Variants in COL8A1 observed in about 807,000 individuals in gnomAD.
The protein encoded by COL8A1 is collagen type VIII alpha 1 chain, also known as collagen alpha-1(VIII) chain.
Under a neutral mutation model 42.7 loss-of-function variants are expected in COL8A1, and 21 were observed. That is an observed-to-expected ratio of 0.49 (90% CI 0.35 to 0.71). The LOEUF (loss-of-function observed/expected upper bound fraction) is 0.71. COL8A1 is among the 30% of genes least tolerant of loss of function. The pLI is 0.01. For synonymous variants in COL8A1, 367 were observed against 369.1 expected (o/e 0.99, Z 0.06); for missense variants, 788 against 962.4 (o/e 0.82, Z 2.40).
chr3:99,734,904 T>A (rs917781069), intron 1 of COL8A1, among the ~76,000 whole-genome samples: 2 of 152,148 alleles, frequency 1.3e-5, no homozygotes, highest in African/African-American at 4.8e-5. Context: ...TTTATTCTCT[T>A]TGAAGCAATT....
intron 1 of COL8A1, among the ~76,000 whole-genome samples, chr3:99,663,015 A>G (rs1938255168): frequency 6.6e-6 from 1 of 152,188 alleles, no homozygotes; most frequent in Admixed American, 6.5e-5. Flanking sequence ...CACTCTGACA[A>G]ATGCAGGTGT....
intron 1 of COL8A1, among the ~76,000 whole-genome samples, chr3:99,688,338 G>A (rs1050668505): frequency 6.6e-6 from 1 of 152,148 alleles, no homozygotes; most frequent in African/African-American, 2.4e-5. Context: ...GGCTCCTGGG[G>A]CAAATGTTTC....
chr3:99,648,972 C>T (rs1165866656), intron 1 of COL8A1, among the ~76,000 whole-genome samples: 2 of 151,960 alleles, frequency 1.3e-5, no homozygotes, highest in Non-Finnish European at 2.9e-5. Flanking sequence ...TATCCTGTGC[C>T]AAAGACAAAA....
intron 2 of COL8A1, among the ~76,000 whole-genome samples, chr3:99,765,675 A>G (rs1182892278): frequency 2.6e-5 from 4 of 152,320 alleles, no homozygotes; most frequent in South Asian, 2.1e-4. Flanking sequence ...TATCATTCAC[A>G]TAAGTCAGGG....
chr3:99,683,420 T>C (rs1271311027), intron 1 of COL8A1, among the ~76,000 whole-genome samples: 1 of 152,192 alleles, frequency 6.6e-6, no homozygotes, highest in Non-Finnish European at 1.5e-5. Flanking sequence ...CTGGAACTTA[T>C]TTCACAAACT....
At chr3:99,673,310 G>A (rs1938600219) in intron 1 of COL8A1, among the ~76,000 whole-genome samples, 2 of 152,014 alleles carry the variant, frequency 1.3e-5, no homozygotes, top group South Asian at 4.1e-4. Flanking sequence ...CAAAATGTGA[G>A]GAAGAGGGGC....
intron 2 of COL8A1, among the ~76,000 whole-genome samples, chr3:99,763,156 A>G (rs1941396046): frequency 6.6e-6 from 1 of 152,194 alleles, no homozygotes; most frequent in Admixed American, 6.5e-5. Flanking sequence ...CCCAGTTTCC[A>G]ATGGTCCAAA....
intron 2 of COL8A1, among the ~76,000 whole-genome samples, chr3:99,770,415 G>A (rs1021703539): frequency 6.6e-6 from 1 of 152,168 alleles, no homozygotes; most frequent in East Asian, 1.9e-4. Context: ...ATGCCAAAAT[G>A]GCCTAGCCTG....
chr3:99,719,386 T>C (rs1940087657), intron 1 of COL8A1, among the ~76,000 whole-genome samples: 1 of 152,090 alleles, frequency 6.6e-6, no homozygotes, highest in Non-Finnish European at 1.5e-5. Flanking sequence ...AGAAAATAAC[T>C]GTTGAATGAA....
intron 1 of COL8A1, among the ~76,000 whole-genome samples, chr3:99,715,776 C>T (rs1398468586): frequency 6.6e-6 from 1 of 152,014 alleles, no homozygotes; most frequent in South Asian, 2.1e-4. Flanking sequence ...GTCCTCCCCT[C>T]GAAATGAATG....
intron 1 of COL8A1, among the ~76,000 whole-genome samples, chr3:99,664,614 C>T (rs1938307773): frequency 6.6e-6 from 1 of 152,230 alleles, no homozygotes; most frequent in South Asian, 2.1e-4. Flanking sequence ...GTTGCAGATG[C>T]TGGGCATGTC....
chr3:99,771,193 A>C (rs1941574276), intron 2 of COL8A1, among the ~76,000 whole-genome samples: 1 of 152,130 alleles, frequency 6.6e-6, no homozygotes, highest in African/African-American at 2.4e-5. Context: ...TAAGTCACCA[A>C]AGGGAGTCTG....
At chr3:99,738,018 C>T (rs571909931) in intron 1 of COL8A1, among the ~76,000 whole-genome samples, 4 of 152,218 alleles carry the variant, frequency 2.6e-5, no homozygotes, top group East Asian at 3.9e-4. Flanking sequence ...TTGATCGCAT[C>T]GGCTCCTGAG....
chr3:99,710,861 A>C (rs1939814712), intron 1 of COL8A1, among the ~76,000 whole-genome samples: 1 of 152,196 alleles, frequency 6.6e-6, no homozygotes, highest in African/African-American at 2.4e-5. Flanking sequence ...AGAATCTGGA[A>C]ACTTCTGCTT....
At chr3:99,721,369 C>CAA (rs34692096) in intron 1 of COL8A1, among the ~76,000 whole-genome samples, 11,211 of 118,288 alleles carry the variant, frequency 0.095, 592 homozygotes, top group Middle Eastern at 0.12. Flanking sequence ...ACAATTTAGA[C>CAA]AAAAAAAAAA....
intron 1 of COL8A1, among the ~76,000 whole-genome samples, chr3:99,704,801 C>T (rs1939634495): frequency 6.6e-6 from 1 of 152,148 alleles, no homozygotes; most frequent in Non-Finnish European, 1.5e-5. Flanking sequence ...AGGAGTGCTG[C>T]AGGCTTTTCT....
chr3:99,795,651 T>C lies in COL8A1; in HGVS notation c.1750T>C (p.Tyr584His), dbSNP rs746394191. 1 of 1,611,446 alleles carries C rather than the reference T, an allele frequency of 6.2e-7. No homozygotes were observed. Among genetic ancestry groups the C allele is most frequent in the Non-Finnish European group, 8.5e-7 (1 of 1,179,440 alleles). The change falls in exon 4 of 4, where the codon TAT becomes CAT. Residue 584 changes from tyrosine to histidine, a missense_variant. Around this residue, in one of 4 missense-constraint regions of COL8A1, gnomAD observed 212 missense variants for 210.9 expected, o/e 1.00. Coordinates refer to ENST00000652472, the MANE Select transcript of COL8A1 (RefSeq NM_020351.4). ...MPPTPPPQGE[Y>H]LPDMGLGIDG... ...CCCTACACCACCACCCCAGGGAGAG[T>C]ATCTGCCAGATATGGGGCTGGGAAT...
chr3:99,768,323 G>A (rs1401608388), intron 2 of COL8A1, among the ~76,000 whole-genome samples: 6 of 152,174 alleles, frequency 3.9e-5, no homozygotes, highest in Admixed American at 3.9e-4. Flanking sequence ...ATAGCAAATA[G>A]GACTGTCAGA....
At chr3:99,745,916 C>T (rs2107407383) in intron 2 of COL8A1, among the ~76,000 whole-genome samples, 1 of 151,938 alleles carries the variant, frequency 6.6e-6, no homozygotes, top group Admixed American at 6.5e-5. Context: ...ATGCTTATTA[C>T]TATTGCCTGG....
Sources: gnomAD v4.1 joint callset for allele counts (sites outside exome capture counted in the v4.1 genomes callset) on GRCh38, gnomAD v4.1.1 for gene constraint, gnomAD v4.1.1 regional missense constraint, MANE v1.5 for transcripts, NCBI Gene and HGNC (gene_info 2026-07-23, HGNC 2026-07-21) for gene names.